The following TBC1D22A variants were observed in gnomAD, a reference collection of about 807,000 sequenced individuals.
TBC1D22A encodes the protein putative GTPase activator.
A neutral mutation model predicts 60.2 loss-of-function variants in TBC1D22A; 38 were observed. The ratio of observed to expected loss-of-function variants is 0.63; its 90% CI spans 0.49 to 0.83. The LOEUF (loss-of-function observed/expected upper bound fraction) is 0.83. Among genes scored for constraint, TBC1D22A ranks in the 40% least tolerant of loss-of-function variants. The pLI is 0.00. For synonymous variants in TBC1D22A, 302 were observed against 281.7 expected (o/e 1.07, Z -0.72); for missense variants, 628 against 701.0 (o/e 0.90, Z 1.18).
Position 46,891,325 on chromosome 22 carries a change from A to G in TBC1D22A, c.768A>G (p.Glu256=). The change falls in exon 6 of 13, where the codon GAA becomes GAG. Residue 256 remains glutamate (E), a synonymous_variant. Transcript: ENST00000337137. ...CCACTCTCCAGAGAAAACAAAAAGA[A>G]TATTTTGCATTTATTGAGCACTATT... is the stretch of plus-strand genomic sequence containing the variant. ...RPATLQRKQK[E]YFAFIEHYYD... is the part of the protein sequence containing the mutation. 1 of 1,613,698 alleles carries G rather than the reference A, an allele frequency of 6.2e-7. No homozygotes were observed. The highest frequency in any genetic ancestry group is 8.5e-7 in the Non-Finnish European group (1 of 1,179,888).
Position 47,094,841 on chromosome 22 carries a change from G to A in TBC1D22A, c.1330-16667G>A, listed in dbSNP as rs548274372. 2.0e-5 allele frequency among the ~76,000 whole-genome samples: 3 copies of A among 152,138 alleles called. No homozygotes were observed. In the East Asian group the frequency reaches 5.8e-4, roughly 29 times the overall value. On this transcript the variant is annotated intron_variant, in intron 11 of 12. Coordinates refer to ENST00000337137, the MANE Select transcript of TBC1D22A (RefSeq NM_014346.5). ...TGATCAGCCCCCGAGGCTGTAGAGA[G>A]GAGAACCCGTCCTGTGACTCACTAG...
At chr22:47,005,103 CTTTGTATTCACACACTCTTACACACG>C (rs1270780051) in intron 10 of TBC1D22A, among the ~76,000 whole-genome samples, 3 of 151,674 alleles carry the variant, frequency 2.0e-5, no homozygotes, top group Non-Finnish European at 2.9e-5. Flanking sequence ...ACATACACAC[CTTTGTATTCACACACTCTTACACACG>C]TGTCTATACA....
At chr22:47,104,816 C>A (rs982450118) in intron 11 of TBC1D22A, among the ~76,000 whole-genome samples, 1 of 152,060 alleles carries the variant, frequency 6.6e-6, no homozygotes, top group African/African-American at 2.4e-5. Flanking sequence ...CTGGACATTT[C>A]CTTTCTATTA....
intron 4 of TBC1D22A, among the ~76,000 whole-genome samples, chr22:46,826,528 C>T (rs895146481): frequency 5.9e-5 from 9 of 152,208 alleles, no homozygotes; most frequent in South Asian, 2.1e-4. Flanking sequence ...GCGGATTTTT[C>T]GCTGATGGTT....
At chr22:46,942,602 T>TTA (rs2072240856) in intron 8 of TBC1D22A, among the ~76,000 whole-genome samples, 1 of 152,170 alleles carries the variant, frequency 6.6e-6, no homozygotes, top group South Asian at 2.1e-4. Flanking sequence ...TGAGTGTAAT[T>TTA]TATACAGCAC....
At chr22:46,856,696 A>G (rs1446836394) in intron 4 of TBC1D22A, among the ~76,000 whole-genome samples, 1 of 152,130 alleles carries the variant, frequency 6.6e-6, no homozygotes, top group Non-Finnish European at 1.5e-5. Context: ...CTTGCTATAG[A>G]CTTTGAAAGG....
intron 1 of TBC1D22A, 101 bp downstream of exon 1, chr22:46,762,949 C>T: frequency 8.9e-7 from 1 of 1,117,870 alleles, no homozygotes; most frequent in Non-Finnish European, 1.2e-6. Flanking sequence ...CTGGAGAGGG[C>T]AACTTGGACT....
At chr22:46,978,325 T>C (rs1026214621) in intron 9 of TBC1D22A, among the ~76,000 whole-genome samples, 1 of 152,242 alleles carries the variant, frequency 6.6e-6, no homozygotes, top group East Asian at 1.9e-4. Context: ...TAGAGAAAAT[T>C]AAAAATATTT....
At chr22:46,874,841 T>C (rs1283968335) in intron 4 of TBC1D22A, among the ~76,000 whole-genome samples, 5 of 152,198 alleles carry the variant, frequency 3.3e-5, no homozygotes, top group Admixed American at 2.0e-4. Flanking sequence ...CCCAAAGTGC[T>C]AGGATTACAG....
intron 1 of TBC1D22A, 108 bp downstream of exon 1, chr22:46,762,956 G>A (rs543660404): frequency 2.2e-5 from 23 of 1,036,754 alleles, no homozygotes; most frequent in Non-Finnish European, 3.0e-5. Context: ...GGGCAACTTG[G>A]ACTCTGAGGA....
chr22:46,941,834 A>ATATGT (rs370457997), intron 8 of TBC1D22A, among the ~76,000 whole-genome samples: 1 of 121,800 alleles, frequency 8.2e-6, no homozygotes, highest in African/African-American at 3.6e-5. Context: ...TATATAGAAT[A>ATATGT]ATAGAATATA....
chr22:46,844,512 C>T (rs2086908624), intron 4 of TBC1D22A, among the ~76,000 whole-genome samples: 1 of 152,154 alleles, frequency 6.6e-6, no homozygotes, highest in African/African-American at 2.4e-5. Flanking sequence ...GTGGTTGAGT[C>T]GTCAGCTTGA....
At chr22:46,877,066 G>T (rs2067602308) in intron 4 of TBC1D22A, among the ~76,000 whole-genome samples, 1 of 152,182 alleles carries the variant, frequency 6.6e-6, no homozygotes, top group Admixed American at 6.5e-5. Context: ...AGTGAGATTT[G>T]TCTGTGCTAC....
rs558112719 is a variant in TBC1D22A, at chr22:46,959,193, A to G, written c.1016-15097A>G. On this transcript the variant is annotated intron_variant, in intron 8 of 12. Transcript: ENST00000337137. ...CCGTTCTACCCAACAAAAAACTAAA[A>G]CCAAAGCAACCCCTAAACTACGTGA... is the stretch of plus-strand genomic sequence containing the variant. 1.0e-3 allele frequency among the ~76,000 whole-genome samples: 155 copies of G among 152,226 alleles called. 1 individual carries two copies. The South Asian group carries it at 0.011, about 11-fold the overall frequency.
chr22:46,994,821 C>A (rs1007405601), intron 9 of TBC1D22A, among the ~76,000 whole-genome samples: 2 of 152,186 alleles, frequency 1.3e-5, no homozygotes, highest in Non-Finnish European at 2.9e-5. Flanking sequence ...ATTTTAACAT[C>A]AGTGTGCTCC....
rs1287834732 is a variant in TBC1D22A, at chr22:46,771,311, G to GTCTGTTTTTCTT, written c.62+8477_62+8488dup. ...GAGAACAAGTCTTCGGAGACCACTT[G>GTCTGTTTTTCTT]TCTGTTTTTCTTTCTGTTTTTCTTT... On this transcript the variant is annotated intron_variant, in intron 1 of 12. Coordinates refer to ENST00000337137, the MANE Select transcript of TBC1D22A (RefSeq NM_014346.5). Among the ~76,000 whole-genome samples, 3 of 152,178 alleles carry GTCTGTTTTTCTT rather than the reference G, an allele frequency of 2.0e-5. No individual in the cohort carries two copies. In the South Asian group the frequency reaches 6.2e-4, roughly 32 times the overall value.
intron 11 of TBC1D22A, among the ~76,000 whole-genome samples, chr22:47,058,156 C>T (rs1054729414): frequency 6.6e-6 from 1 of 152,192 alleles, no homozygotes; most frequent in South Asian, 2.1e-4. Context: ...CACGCCACAC[C>T]CTGCGTGCGG....
chr22:46,820,017 A>G (rs942978482), intron 4 of TBC1D22A, among the ~76,000 whole-genome samples: 10 of 152,228 alleles, frequency 6.6e-5, no homozygotes, highest in African/African-American at 2.2e-4. Flanking sequence ...TTTCTAGTTT[A>G]TTTGCATAGA....
At chr22:46,807,441 T>C (rs936906063) in intron 4 of TBC1D22A, among the ~76,000 whole-genome samples, 3 of 152,140 alleles carry the variant, frequency 2.0e-5, no homozygotes, top group Non-Finnish European at 4.4e-5. Flanking sequence ...CTTGGAGCTG[T>C]TTGGGAGGCA....
Sources: allele counts gnomAD v4.1 joint callset (sites outside exome capture counted in the v4.1 genomes callset), GRCh38; gene constraint gnomAD v4.1.1; transcripts MANE v1.5; gene names NCBI Gene and HGNC (gene_info 2026-07-23, HGNC 2026-07-21).